The following LRRC37A2 variants were observed in gnomAD, a reference collection of about 807,000 sequenced individuals.
LRRC37A2 encodes the protein leucine rich repeat containing 37 member A2.
Under a neutral mutation model 68.8 loss-of-function variants are expected in LRRC37A2, and 9 were observed. The observed-to-expected ratio is 0.13, with a 90% CI of 0.08 to 0.23. LRRC37A2 has a LOEUF of 0.23. Among genes scored for constraint, LRRC37A2 ranks in the 10% least tolerant of loss-of-function variants. The pLI, the probability that LRRC37A2 is intolerant of heterozygous loss-of-function variation, is 1.00. For synonymous variants in LRRC37A2, 63 were observed against 367.6 expected (o/e 0.17, Z 9.48); for missense variants, 168 against 950.4 (o/e 0.18, Z 10.82).
At chr17:46,765,653 G>A in the LRRC37A2 span, among the ~76,000 whole-genome samples, 1 of 152,246 alleles carries the variant, frequency 6.6e-6, no homozygotes, top group Non-Finnish European at 1.5e-5. Context: ...GTCTTGCCTA[G>A]CGGAGTCTCG....
the LRRC37A2 span, among the ~76,000 whole-genome samples, chr17:46,835,654 G>T: frequency 6.6e-6 from 1 of 152,214 alleles, no homozygotes; most frequent in African/African-American, 2.4e-5. Context: ...ACCTACAGTG[G>T]CCCTCAGCAG....
the LRRC37A2 span, among the ~76,000 whole-genome samples, chr17:46,839,957 T>TTTCTTTCTTTCTTTCTTTCTTTCTC: frequency 6.3e-4 from 89 of 142,382 alleles, no homozygotes; most frequent in African/African-American, 2.2e-3. Context: ...TCTTTCTTTC[T>TTTCTTTCTTTCTTTCTTTCTTTCTC]TTCTTTCTTT....
chr17:46,864,291 G>A, the LRRC37A2 span, among the ~76,000 whole-genome samples: 1 of 152,152 alleles, frequency 6.6e-6, no homozygotes, highest in South Asian at 2.1e-4. Flanking sequence ...GCCATGATTT[G>A]CCTTTCCCTG....
At chr17:46,818,219 C>T in the LRRC37A2 span, among the ~76,000 whole-genome samples, 1 of 151,846 alleles carries the variant, frequency 6.6e-6, no homozygotes. Context: ...TCTTCGGGGG[C>T]CTCTAGATTG....
At chr17:46,929,529 C>T in the LRRC37A2 span, 21 of 1,548,068 alleles carry the variant, frequency 1.4e-5, no homozygotes, top group Admixed American at 1.3e-4. Flanking sequence ...GGCAGGTCCA[C>T]GAGATCCAGT....
At chr17:47,044,842 T>C in the LRRC37A2 span, among the ~76,000 whole-genome samples, 1 of 136,756 alleles carries the variant, frequency 7.3e-6, no homozygotes, top group African/African-American at 2.7e-5. Context: ...TGAAACCCCA[T>C]TTCTACAAAA....
At chr17:46,725,941 C>T in the LRRC37A2 span, among the ~76,000 whole-genome samples, 1 of 152,170 alleles carries the variant, frequency 6.6e-6, no homozygotes, top group South Asian at 2.1e-4. Flanking sequence ...TACATCCTTG[C>T]CAGGCTAAAA....
the LRRC37A2 span, among the ~76,000 whole-genome samples, chr17:46,780,551 G>A: frequency 1.3e-5 from 2 of 152,210 alleles, no homozygotes; most frequent in Non-Finnish European, 2.9e-5. Flanking sequence ...CACTTTGGGA[G>A]GCCGAGGCGG....
the LRRC37A2 span, among the ~76,000 whole-genome samples, chr17:46,942,295 G>A: frequency 2.6e-5 from 4 of 152,232 alleles, no homozygotes; most frequent in South Asian, 8.3e-4. Flanking sequence ...CAGCTTGCCT[G>A]TAGGCCTCAC....
chr17:46,943,792 G>T, the LRRC37A2 span, among the ~76,000 whole-genome samples: 1 of 152,260 alleles, frequency 6.6e-6, no homozygotes, highest in African/African-American at 2.4e-5. Flanking sequence ...AGTAAAAGAG[G>T]AGAGGCATGG....
At chr17:46,733,795 C>T in the LRRC37A2 span, among the ~76,000 whole-genome samples, 3 of 152,314 alleles carry the variant, frequency 2.0e-5, no homozygotes, top group African/African-American at 7.2e-5. Context: ...ACCACTCCAA[C>T]GTCATAGCAG....
At chr17:46,839,936 CT>C in the LRRC37A2 span, among the ~76,000 whole-genome samples, 1 of 147,234 alleles carries the variant, frequency 6.8e-6, no homozygotes, top group Non-Finnish European at 1.5e-5. Flanking sequence ...TTCTTTCTTT[CT>C]TTCTTTCTTT....
At chr17:46,770,909 G>A in the LRRC37A2 span, among the ~76,000 whole-genome samples, 1 of 152,256 alleles carries the variant, frequency 6.6e-6, no homozygotes, top group Non-Finnish European at 1.5e-5. Context: ...TGCAAGACCT[G>A]CAGCCCAACC....
chr17:46,939,206 C>G, the LRRC37A2 span: 2 of 1,079,384 alleles, frequency 1.9e-6, no homozygotes, highest in Non-Finnish European at 2.3e-6. Context: ...GGCCTTTTCT[C>G]ACAGCCATTA....
chr17:46,941,216 A>C, the LRRC37A2 span: 1 of 996,740 alleles, frequency 1.0e-6, no homozygotes, highest in Non-Finnish European at 1.2e-6. Flanking sequence ...AAGTTAGAGG[A>C]GTCTTGATTT....
the LRRC37A2 span, chr17:47,028,183 G>T: frequency 2.4e-6 from 2 of 843,808 alleles, no homozygotes; most frequent in South Asian, 1.5e-5. Flanking sequence ...AAGGATTGAG[G>T]TTATGTTCCA....
At chr17:46,879,280 G>A in the LRRC37A2 span, among the ~76,000 whole-genome samples, 3 of 152,134 alleles carry the variant, frequency 2.0e-5, no homozygotes, top group Non-Finnish European at 4.4e-5. Context: ...AGGCCGGGTC[G>A]CTGGGAAGGA....
the LRRC37A2 span, among the ~76,000 whole-genome samples, chr17:47,003,243 CAAAA>C: frequency 8.2e-5 from 6 of 73,218 alleles, no homozygotes; most frequent in Admixed American, 1.6e-4. Flanking sequence ...AATAGAGACT[CAAAA>C]AAAAAAAAAA....
the LRRC37A2 span, chr17:46,937,010 C>G: frequency 5.8e-6 from 1 of 171,920 alleles, no homozygotes; most frequent in Admixed American, 6.6e-5. Flanking sequence ...AGATGCCATG[C>G]ATATAAGTTG....
Sources: allele counts gnomAD v4.1 joint callset (sites outside exome capture counted in the v4.1 genomes callset), GRCh38; gene constraint gnomAD v4.1.1; transcripts MANE v1.5; gene names NCBI Gene and HGNC (gene_info 2026-07-23, HGNC 2026-07-21).